The following SLC4A5 variants were observed in gnomAD, a reference collection of about 807,000 sequenced individuals.
SLC4A5 encodes the protein electrogenic sodium bicarbonate cotransporter 4.
Under a neutral mutation model 120.4 loss-of-function variants are expected in SLC4A5, and 96 were observed. The ratio of observed to expected loss-of-function variants is 0.80; its 90% CI spans 0.68 to 0.94. The LOEUF (loss-of-function observed/expected upper bound fraction) is 0.94. Among genes scored for constraint, SLC4A5 ranks in the 40% least tolerant of loss-of-function variants. The pLI is 0.00. For synonymous variants in SLC4A5, 550 were observed against 571.1 expected (o/e 0.96, Z 0.53); for missense variants, 1,259 against 1,459.5 (o/e 0.86, Z 2.24).
At chr2:74,310,871 C>A (rs1454190507) in intron 6 of SLC4A5, among the ~76,000 whole-genome samples, 1 of 151,138 alleles carries the variant, frequency 6.6e-6, no homozygotes, top group Non-Finnish European at 1.5e-5. Context: ...TTGTAGACAA[C>A]TGATATCCTT....
intron 7 of SLC4A5, among the ~76,000 whole-genome samples, chr2:74,296,375 ACTT>A (rs1447334418): frequency 6.6e-6 from 1 of 151,648 alleles, no homozygotes; most frequent in Non-Finnish European, 1.5e-5. Context: ...CTCTTTTCTC[ACTT>A]CTCCCCTCTT....
chr2:74,323,723 C>A (rs1673149234), intron 5 of SLC4A5, among the ~76,000 whole-genome samples: 2 of 152,160 alleles, frequency 1.3e-5, no homozygotes. Flanking sequence ...AAAATGTGAT[C>A]ATGGCATGTA....
intron 27 of SLC4A5, among the ~76,000 whole-genome samples, chr2:74,226,583 T>C (rs989814324): frequency 6.6e-6 from 1 of 152,138 alleles, no homozygotes; most frequent in Non-Finnish European, 1.5e-5. Flanking sequence ...CTATCTTGAA[T>C]GGTGGAAAGA....
chr2:74,308,198 G>T (rs1168923949), intron 6 of SLC4A5, among the ~76,000 whole-genome samples: 1 of 152,208 alleles, frequency 6.6e-6, no homozygotes, highest in Non-Finnish European at 1.5e-5. Flanking sequence ...TTCATATGTA[G>T]GCTTCTATGT....
intron 9 of SLC4A5, 130 bp downstream of exon 9, chr2:74,264,974 A>G: frequency 9.6e-7 from 1 of 1,044,476 alleles, no homozygotes; most frequent in Non-Finnish European, 1.4e-6. Flanking sequence ...ACAGAGTCAA[A>G]GCTGGTCTCT....
chr2:74,223,424 A>T lies in SLC4A5; in HGVS notation c.3247-472T>A, dbSNP rs568037862. 5.9e-5 allele frequency among the ~76,000 whole-genome samples: 9 copies of T among 152,322 alleles called. No individual in the cohort carries two copies. In the East Asian group the frequency reaches 1.7e-3, roughly 29 times the overall value. Reference sequence around the variant, plus strand: ...ATACCCTGGGGTCCACTGAAGGGGAATGGGCACAGTTAGCCTGCTGTCCTA... The same window carrying T: ...ATACCCTGGGGTCCACTGAAGGGGATTGGGCACAGTTAGCCTGCTGTCCTA... On this transcript the variant is annotated intron_variant, in intron 28 of 30. Coordinates refer to ENST00000394019, the Ensembl canonical transcript of SLC4A5.
At chr2:74,251,883 G>T (rs962300512) in intron 16 of SLC4A5, among the ~76,000 whole-genome samples, 2 of 152,218 alleles carry the variant, frequency 1.3e-5, no homozygotes, top group Non-Finnish European at 2.9e-5. Flanking sequence ...ACCTTCTGTG[G>T]TTTTAAGCCA....
intron 7 of SLC4A5, among the ~76,000 whole-genome samples, chr2:74,303,533 T>A (rs956473905): frequency 6.6e-6 from 1 of 152,194 alleles, no homozygotes; most frequent in African/African-American, 2.4e-5. Flanking sequence ...CACAGTAAAA[T>A]GTCACATTTG....
At chr2:74,239,521 G>A in exon 21 of SLC4A5, 2 of 1,613,944 alleles carry the variant, frequency 1.2e-6, no homozygotes. Context: ...ACGCTGTGAG[G>A]TTAAGGAGGT....
chr2:74,265,215 T>A lies in SLC4A5; in HGVS notation c.451A>T (p.Lys151Ter). ...AGGGATAGTGTGGACACGTGGGGCTTGCTCCAGCGTTCGCCGCCTTCCTCT... is the reference window on the plus strand; with the variant it reads ...AGGGATAGTGTGGACACGTGGGGCTAGCTCCAGCGTTCGCCGCCTTCCTCT... Residue 151 changes from lysine to a stop codon, truncating the protein, a stop_gained, in exon 9 of 31, where the codon AAG (lysine) becomes TAG (stop). Transcript: ENST00000394019. LOFTEE classifies it high-confidence loss of function. The A allele has an allele frequency of 6.2e-7, 1 of 1,614,246 alleles. No homozygotes were observed. The highest frequency in any genetic ancestry group is 8.5e-7 in the Non-Finnish European group (1 of 1,180,038).
At chr2:74,233,359 G>A (rs558803689) in intron 23 of SLC4A5, 43 bp downstream of exon 23, 4 of 1,606,908 alleles carry the variant, frequency 2.5e-6, no homozygotes, top group South Asian at 1.1e-5. Flanking sequence ...CTGACTTTGT[G>A]GGAAGAAAGA....
intron 12 of SLC4A5, among the ~76,000 whole-genome samples, chr2:74,257,519 A>C (rs1052212606): frequency 6.6e-6 from 1 of 152,038 alleles, no homozygotes; most frequent in Non-Finnish European, 1.5e-5. Context: ...CACCCTGGAG[A>C]AAGAGGCTTC....
At chr2:74,307,471 T>A (rs1181330297) in intron 6 of SLC4A5, 6 of 624,870 alleles carry the variant, frequency 9.6e-6, no homozygotes, top group African/African-American at 3.6e-5. Flanking sequence ...AGCCCACGGA[T>A]GTCGCTCTCT....
chr2:74,292,319 G>A (rs1343111661), intron 7 of SLC4A5, among the ~76,000 whole-genome samples: 2 of 152,196 alleles, frequency 1.3e-5, no homozygotes, highest in East Asian at 3.9e-4. Flanking sequence ...TCAGCTTCTA[G>A]ACTCCATGCT....
chr2:74,248,213 TG>T, intron 18 of SLC4A5, 139 bp downstream of exon 18: 1 of 1,166,192 alleles, frequency 8.6e-7, no homozygotes, highest in Non-Finnish European at 1.2e-6. Flanking sequence ...AGGGGCCACC[TG>T]GTAGCCCTTC....
chr2:74,241,705 G>T (rs1670452602), intron 20 of SLC4A5, among the ~76,000 whole-genome samples: 1 of 144,986 alleles, frequency 6.9e-6, no homozygotes, highest in African/African-American at 2.6e-5. Flanking sequence ...TCACGCCACT[G>T]CTCTCCAGCC....
intron 19 of SLC4A5, among the ~76,000 whole-genome samples, chr2:74,243,355 CTT>C (rs944661408): frequency 5.9e-5 from 9 of 152,350 alleles, no homozygotes; most frequent in South Asian, 2.1e-4. Context: ...TGCCCTCTCT[CTT>C]CTTCCTGAAC....
chr2:74,265,384 T>C, intron 8 of SLC4A5, 120 bp from the exon 9 acceptor site: 1 of 1,192,688 alleles, frequency 8.4e-7, no homozygotes, highest in Non-Finnish European at 1.2e-6. Context: ...GTGGTGTTGG[T>C]CCCAGACTCA....
intron 8 of SLC4A5, among the ~76,000 whole-genome samples, chr2:74,281,158 G>A (rs146523539): frequency 1.4e-4 from 21 of 152,294 alleles, no homozygotes; most frequent in Non-Finnish European, 2.5e-4. Flanking sequence ...TGCCCTTCCC[G>A]GTCACTGCAG....
Sources: allele counts gnomAD v4.1 joint callset (sites outside exome capture counted in the v4.1 genomes callset), GRCh38; gene constraint gnomAD v4.1.1; transcripts MANE v1.5; gene names NCBI Gene and HGNC (gene_info 2026-07-23, HGNC 2026-07-21).